The following SENP7 variants were observed in gnomAD, a reference collection of about 807,000 sequenced individuals.
SENP7 encodes the protein sentrin-specific protease 7.
SENP7 carries 64 observed loss-of-function variants against 141.2 expected under a neutral mutation model. That is an observed-to-expected ratio of 0.45 (90% CI 0.37 to 0.56). The LOEUF (loss-of-function observed/expected upper bound fraction) is 0.56. Ranked by LOEUF, SENP7 falls within the 20% of genes least tolerant of loss-of-function variation. The pLI is 0.00. For synonymous variants in SENP7, 382 were observed against 426.4 expected, an observed-to-expected ratio of 0.90 and a Z score of 1.28; for missense variants, 1,025 against 1,212.2, an observed-to-expected ratio of 0.85 and a Z score of 2.29.
chr3:101,401,034 G>T (rs2061124475), intron 5 of SENP7, among the ~76,000 whole-genome samples: 1 of 151,806 alleles, frequency 6.6e-6, no homozygotes, highest in Non-Finnish European at 1.5e-5. Flanking sequence ...GGAGTTCAAG[G>T]CTGCAGAGAG....
intron 6 of SENP7, among the ~76,000 whole-genome samples, chr3:101,379,944 T>C (rs1196756666): frequency 1.3e-5 from 2 of 152,118 alleles, no homozygotes; most frequent in African/African-American, 2.4e-5. Flanking sequence ...AACAGATGAA[T>C]AGAACAAAAT....
intron 3 of SENP7, among the ~76,000 whole-genome samples, chr3:101,463,380 T>TATATATATATATATACACACAC (rs1553744720): frequency 2.6e-4 from 19 of 72,140 alleles, no homozygotes; most frequent in Admixed American, 6.8e-4. Context: ...TATATATATA[T>TATATATATATATATACACACAC]ATATATATAT....
chr3:101,474,934 A>G (rs1217494646), intron 3 of SENP7, among the ~76,000 whole-genome samples: 2 of 152,220 alleles, frequency 1.3e-5, no homozygotes, highest in African/African-American at 4.8e-5. Flanking sequence ...CTGGCTGAAT[A>G]GATAAAACAC....
At position 101,486,340 on chromosome 3, in the gene SENP7, T is replaced by G. The variant is rs184389391; in HGVS notation, c.186+7533A>C. Reference sequence around the variant, plus strand: ...CCGAAAGACAAGACAAAGGAAAGAATCTTAAGAGCTGTGAGACAGAAGCAC... The same window carrying G: ...CCGAAAGACAAGACAAAGGAAAGAAGCTTAAGAGCTGTGAGACAGAAGCAC... On this transcript the variant is annotated intron_variant, in intron 3 of 23. Coordinates refer to ENST00000394095, the MANE Select transcript of SENP7 (RefSeq NM_020654.5). Among the ~76,000 whole-genome samples, 175 of 152,258 alleles carry G rather than the reference T, an allele frequency of 1.1e-3. No homozygotes were observed. The Middle Eastern group carries it at 0.02, about 18-fold the overall frequency.
chr3:101,507,210 T>C (rs2065657826), intron 1 of SENP7, among the ~76,000 whole-genome samples: 1 of 152,160 alleles, frequency 6.6e-6, no homozygotes, highest in African/African-American at 2.4e-5. Flanking sequence ...GATTCATAAA[T>C]TACTGAAAAC....
chr3:101,434,656 A>G (rs2062314897), intron 4 of SENP7, among the ~76,000 whole-genome samples: 1 of 152,154 alleles, frequency 6.6e-6, no homozygotes, highest in Admixed American at 6.5e-5. Flanking sequence ...ATGCCAATAA[A>G]TTGGAAAATC....
chr3:101,486,897 T>C (rs1278590539), intron 3 of SENP7, among the ~76,000 whole-genome samples: 1 of 152,102 alleles, frequency 6.6e-6, no homozygotes, highest in Admixed American at 6.6e-5. Flanking sequence ...AGGAATCACA[T>C]AAACTTAAGG....
At chr3:101,329,775 T>TAAAAAAAAA (rs762298259) in intron 20 of SENP7, among the ~76,000 whole-genome samples, 42 of 100,392 alleles carry the variant, frequency 4.2e-4, no homozygotes, top group East Asian at 8.3e-4. Context: ...CCATCTCTAC[T>TAAAAAAAAA]AAAAAAAAAA....
At position 101,438,338 on chromosome 3, in the gene SENP7, G is replaced by A. The variant is rs2062469903; in HGVS notation, c.285-20548C>T. Among the ~76,000 whole-genome samples the A allele has an allele frequency of 2.0e-5, 3 of 152,258 alleles. No individual in the cohort carries two copies. In the South Asian group the frequency reaches 6.2e-4, roughly 32 times the overall value. On this transcript the variant is annotated intron_variant, in intron 4 of 23. Coordinates refer to ENST00000394095, the MANE Select transcript of SENP7 (RefSeq NM_020654.5). ...AAGTGAAATTAGCTAGTCACAAAAA[G>A]ACAAATACTGTATGAGGTACTTTAA...
At chr3:101,453,705 G>A (rs567314153) in intron 4 of SENP7, among the ~76,000 whole-genome samples, 12 of 152,098 alleles carry the variant, frequency 7.9e-5, no homozygotes, top group South Asian at 4.2e-4. Flanking sequence ...ATCACACACC[G>A]GGGCCTGTTG....
rs542583733 is a variant in SENP7, at chr3:101,449,592, AC to A, written c.284+9362del. ...ACATTCTCAAAGAAAAGAATTTACA[AC>A]CCAGAATTTCATATCCAGCCAAACT... On this transcript the variant is annotated intron_variant, in intron 4 of 23. Transcript: ENST00000394095. 6.8e-3 allele frequency among the ~76,000 whole-genome samples: 1,039 copies of A among 152,306 alleles called. 13 individuals carry two copies. Among genetic ancestry groups the A allele is most frequent in the Middle Eastern group, 0.048 (14 of 294 alleles).
intron 5 of SENP7, among the ~76,000 whole-genome samples, chr3:101,400,869 A>T (rs1437157195): frequency 6.6e-6 from 1 of 152,014 alleles, no homozygotes; most frequent in Non-Finnish European, 1.5e-5. Flanking sequence ...TCAAGGTGGG[A>T]CAATCACTTG....
intron 5 of SENP7, among the ~76,000 whole-genome samples, chr3:101,407,469 A>G (rs567920160): frequency 1.3e-5 from 2 of 152,196 alleles, no homozygotes; most frequent in African/African-American, 4.8e-5. Context: ...TCCATCCAAC[A>G]ACCGCAGAAT....
In SENP7 at chr3:101,512,369, TTTC is replaced by T. The variant is rs1261740655; in HGVS notation, c.40+719_40+721del. 3.3e-5 allele frequency among the ~76,000 whole-genome samples: 5 copies of T among 152,330 alleles called. 1 individual carries two copies. The highest frequency in any genetic ancestry group is 2.4e-5 in the African/African-American group (1 of 41,572). The stretch of plus-strand genomic sequence containing the variant: ...CTACCTCACGTTTTTATAACTCCAC[TTTC>T]TTGTTTCCAAGACGTTGTACACAAA... On this transcript the variant is annotated intron_variant, in intron 1 of 23. Coordinates refer to ENST00000394095, the MANE Select transcript of SENP7 (RefSeq NM_020654.5).
At chr3:101,458,364 C>T (rs1277332111) in intron 4 of SENP7, among the ~76,000 whole-genome samples, 1 of 152,164 alleles carries the variant, frequency 6.6e-6, no homozygotes, top group Non-Finnish European at 1.5e-5. Context: ...AAATTCAATA[C>T]TCTTTTTAAA....
Position 101,418,815 on chromosome 3 carries a change from A to C in SENP7, c.285-1025T>G, listed in dbSNP as rs115343571. 7.1e-3 allele frequency among the ~76,000 whole-genome samples: 1,081 copies of C among 152,028 alleles called. 8 individuals carry two copies. Among genetic ancestry groups the C allele is most frequent in the African/African-American group, 0.02 (831 of 41,500 alleles). On this transcript the variant is annotated intron_variant, in intron 4 of 23. Transcript: ENST00000394095. ...ACTCCAAACATGTTGCACACACACA[A>C]AAAAAAATTAAGCTATTAGTTTTAA...
chr3:101,432,540 C>A (rs2062223611), intron 4 of SENP7, among the ~76,000 whole-genome samples: 1 of 152,154 alleles, frequency 6.6e-6, no homozygotes, highest in African/African-American at 2.4e-5. Flanking sequence ...ATGCTGGTGG[C>A]CACAGGGGTG....
At chr3:101,396,602 G>A (rs1364972596) in intron 6 of SENP7, among the ~76,000 whole-genome samples, 1 of 151,946 alleles carries the variant, frequency 6.6e-6, no homozygotes, top group South Asian at 2.1e-4. Flanking sequence ...ATTTTTGTGA[G>A]GTACATAGGG....
intron 12 of SENP7, among the ~76,000 whole-genome samples, chr3:101,348,974 C>T (rs1266357257): frequency 6.6e-6 from 1 of 152,096 alleles, no homozygotes; most frequent in Non-Finnish European, 1.5e-5. Flanking sequence ...CTTTGTTACT[C>T]AAAGTATAGT....
Sources: allele counts gnomAD v4.1 joint callset (sites outside exome capture counted in the v4.1 genomes callset), GRCh38; gene constraint gnomAD v4.1.1; transcripts MANE v1.5; gene names NCBI Gene and HGNC (gene_info 2026-07-23, HGNC 2026-07-21).